The following KDELR3 variants were observed in gnomAD, a reference collection of about 807,000 sequenced individuals.
KDELR3 encodes ER lumen protein-retaining receptor 3.
In KDELR3, 26 loss-of-function variants were observed where a neutral mutation model predicts 22.7. The ratio of observed to expected loss-of-function variants is 1.15; its 90% CI spans 0.84 to 1.59. The LOEUF is 1.59. KDELR3 is among the 40% of genes most tolerant of loss of function. The pLI, the probability that KDELR3 is intolerant of heterozygous loss-of-function variation, is 0.00. For synonymous variants in KDELR3, 120 were observed against 98.2 expected (o/e 1.22, Z -1.31); for missense variants, 289 against 251.1 (o/e 1.15, Z -1.02).
chr22:38,477,207 CCA>C (rs1491370509), intron 2 of KDELR3, among the ~76,000 whole-genome samples: 1 of 149,788 alleles, frequency 6.7e-6, no homozygotes, highest in Non-Finnish European at 1.5e-5. Flanking sequence ...GCCACCATGC[CCA>C]GTCTTTTTTA....
At chr22:38,478,844 T>A (rs2089579145) in intron 2 of KDELR3, among the ~76,000 whole-genome samples, 1 of 151,648 alleles carries the variant, frequency 6.6e-6, no homozygotes, top group African/African-American at 2.4e-5. Flanking sequence ...GGTTTCACCA[T>A]GTTGGCCAGG....
rs150046448 is a variant in KDELR3, at chr22:38,478,215, G to A, written c.193-1378G>A. 5.9e-5 allele frequency among the ~76,000 whole-genome samples: 9 copies of A among 151,638 alleles called. No homozygotes were observed. In the East Asian group the frequency reaches 1.5e-3, roughly 26 times the overall value. On this transcript the variant is annotated intron_variant, in intron 2 of 4. Transcript: ENST00000216014. The stretch of plus-strand genomic sequence containing the variant: ...CTCTAGGCCAGTGTGGTCCTGCTCC[G>A]GCAGTATCAGCGTCACTTGGGAAAC...
At chr22:38,468,455 G>A (rs2269609) in intron 1 of KDELR3, 131 bp downstream of exon 1, 72,985 of 674,824 alleles carry the variant, frequency 0.11, 4,527 homozygotes, top group South Asian at 0.19. Flanking sequence ...GAAACTTTGC[G>A]GAGCTCCACT....
chr22:38,474,721 C>G (rs2089546827), intron 2 of KDELR3, 98 bp downstream of exon 2: 1 of 981,836 alleles, frequency 1.0e-6, no homozygotes, highest in South Asian at 1.4e-5. Flanking sequence ...CCAGGCCGAC[C>G]TGGGTTTGAA....
Position 38,474,575 on chromosome 22 carries a change from C to T in KDELR3, c.144C>T (p.Tyr48=), listed in dbSNP as rs141564593. ...TTGCTCTCGTCTTCACCACCAGGTA[C>T]CTGGACCTGTTCACCAACTTCATCT... ...ILFALVFTTR[Y]LDLFTNFISI... The change falls in exon 2 of 5, where the codon TAC becomes TAT. Residue 48 remains tyrosine (Y), a synonymous_variant. Transcript: ENST00000216014. 3.0e-4 allele frequency: 486 copies of T among 1,613,960 alleles called. 2 individuals are homozygous for T. Among genetic ancestry groups the T allele is most frequent in the Non-Finnish European group, 3.7e-4 (441 of 1,180,028 alleles).
Position 38,474,517 on chromosome 22 carries a change from C to A in KDELR3, c.92-6C>A, listed in dbSNP as rs1183253141. 2 of 1,611,578 alleles carry A rather than the reference C, an allele frequency of 1.2e-6. No individual in the cohort carries two copies. Among genetic ancestry groups the A allele is most frequent in the South Asian group, 2.2e-5 (2 of 91,000 alleles). ...CTCATTGTCTCCTGTCTACCCTTGG[C>A]CACAGGCATCTCTGGGAAGAGCCAG... On this transcript the variant is annotated splice_polypyrimidine_tract_variant and splice_region_variant and intron_variant, in intron 1 of 4. Coordinates refer to ENST00000216014, the MANE Select transcript of KDELR3 (RefSeq NM_006855.4).
At chr22:38,480,175 A>T (rs1338809493) in intron 3 of KDELR3, among the ~76,000 whole-genome samples, 1 of 151,946 alleles carries the variant, frequency 6.6e-6, no homozygotes, top group African/African-American at 2.4e-5. Context: ...ATGGAGTCTC[A>T]CTCTGTTGCC....
chr22:38,479,522 G>C (rs1346029486), intron 2 of KDELR3, 71 bp from the exon 3 acceptor site: 13 of 1,421,286 alleles, frequency 9.1e-6, no homozygotes, highest in Non-Finnish European at 1.3e-5. Context: ...GGTTTGGTAG[G>C]CTAGGAGCGT....
chr22:38,473,444 A>G (rs2089537416), intron 1 of KDELR3, among the ~76,000 whole-genome samples: 1 of 113,848 alleles, frequency 8.8e-6, no homozygotes, highest in South Asian at 3.1e-4. Flanking sequence ...CTTTCTCTAA[A>G]AAGAAAAAAA....
intron 1 of KDELR3, among the ~76,000 whole-genome samples, chr22:38,473,687 T>C (rs2089539025): frequency 6.6e-6 from 1 of 152,176 alleles, no homozygotes; most frequent in Admixed American, 6.6e-5. Flanking sequence ...AAAAAAGGCT[T>C]TTTGGCTGGG....
At position 38,479,703 on chromosome 22, in the gene KDELR3, A is replaced by C. The variant is rs772002860; in HGVS notation, c.303A>C (p.Pro101=). 8.7e-6 allele frequency: 14 copies of C among 1,614,208 alleles called. No homozygotes were observed. In the Admixed American group the frequency reaches 2.0e-4, roughly 23 times the overall value. Residue 101 remains proline (P), a synonymous_variant, in exon 3 of 5, where the codon CCA becomes CCC. Coordinates refer to ENST00000216014, the MANE Select transcript of KDELR3 (RefSeq NM_006855.4). ...DTFRLEFLLV[P]VIGLSFLENY... ...TCCGCCTGGAGTTTCTTCTGGTCCCAGTCATTGGCCTTTCCTTCCTTGAAA... is the reference window on the plus strand; with the variant it reads ...TCCGCCTGGAGTTTCTTCTGGTCCCCGTCATTGGCCTTTCCTTCCTTGAAA...
chr22:38,481,492 A>T, intron 4 of KDELR3, 28 bp downstream of exon 4: 1 of 1,614,106 alleles, frequency 6.2e-7, no homozygotes, highest in Non-Finnish European at 8.5e-7. Context: ...AGCAATGCTG[A>T]CACTGGCCTA....
chr22:38,473,042 TC>T (rs1371840947), intron 1 of KDELR3, among the ~76,000 whole-genome samples: 3 of 152,164 alleles, frequency 2.0e-5, no homozygotes, highest in Non-Finnish European at 4.4e-5. Context: ...TATGTGGGAT[TC>T]TCTGTACTGT....
At chr22:38,468,389 A>AG (rs1430981898) in intron 1 of KDELR3, 65 bp downstream of exon 1, 11 of 1,444,828 alleles carry the variant, frequency 7.6e-6, no homozygotes, top group Non-Finnish European at 1.1e-5. Context: ...CCCTGCGTGC[A>AG]GGGCAGGGCG....
chr22:38,481,614 A>G, intron 4 of KDELR3, 150 bp downstream of exon 4: 4 of 1,492,936 alleles, frequency 2.7e-6, no homozygotes, highest in Non-Finnish European at 3.5e-6. Context: ...TATTTTCAAT[A>G]AAGAAACAAA....
intron 1 of KDELR3, among the ~76,000 whole-genome samples, chr22:38,470,630 A>G (rs2089519042): frequency 1.3e-5 from 2 of 150,726 alleles, no homozygotes; most frequent in Non-Finnish European, 3.0e-5. Flanking sequence ...CTTCACTCTC[A>G]CTCCTCCCCT....
intron 1 of KDELR3, among the ~76,000 whole-genome samples, chr22:38,473,867 C>T (rs1377185101): frequency 8.6e-5 from 13 of 151,686 alleles, no homozygotes; most frequent in Admixed American, 7.2e-4. Context: ...CCAGCTACTT[C>T]GGAGGCTGAG....
chr22:38,468,171 C>T lies in KDELR3; in HGVS notation c.-63C>T, dbSNP rs945112554. The T allele has an allele frequency of 2.0e-6, 3 of 1,483,274 alleles. No individual in the cohort carries two copies. Among genetic ancestry groups the T allele is most frequent in the African/African-American group, 1.4e-5 (1 of 72,188 alleles). 91.9% of individuals were successfully genotyped at this position (1,483,274 alleles called of 1,614,324 possible). A position where few individuals can be genotyped will look rare whatever the true frequency, so the allele number is the denominator to read the frequency against. ...CGGGGCCGGAGACGTGGCAGCCGCC[C>T]TGCCCGCCAGAAAGTTTCCTAGAAG... is the stretch of plus-strand genomic sequence containing the variant. On this transcript the variant is annotated 5_prime_UTR_variant, in exon 1 of 5. Coordinates refer to ENST00000216014, the MANE Select transcript of KDELR3 (RefSeq NM_006855.4).
intron 3 of KDELR3, 113 bp downstream of exon 3, chr22:38,479,864 T>C (rs1246852989): frequency 1.6e-5 from 15 of 957,358 alleles, no homozygotes; most frequent in Middle Eastern, 3.0e-4. Context: ...CTCATGTATC[T>C]TTCAGTTATA....
Sources: allele counts gnomAD v4.1 joint callset (sites outside exome capture counted in the v4.1 genomes callset), GRCh38; gene constraint gnomAD v4.1.1; transcripts MANE v1.5; gene names NCBI Gene and HGNC (gene_info 2026-07-23, HGNC 2026-07-21).